The following NTNG2 variants were observed in gnomAD, a reference collection of about 807,000 sequenced individuals.
NTNG2 encodes the protein netrin G2.
A neutral mutation model predicts 47.6 loss-of-function variants in NTNG2; 15 were observed. The observed-to-expected ratio is 0.32, with a 90% CI of 0.21 to 0.49. The LOEUF is 0.49. NTNG2 is among the 20% of genes least tolerant of loss of function. The probability of loss-of-function intolerance (pLI) is 0.99; values close to 1 mark genes in which losing one functional copy is unlikely to be tolerated. For missense variants in NTNG2, 578 were observed against 764.6 expected, an observed-to-expected ratio of 0.76 and a Z score of 2.88; for synonymous variants, 307 against 324.6, an observed-to-expected ratio of 0.95 and a Z score of 0.58.
rs1396257368 is a variant in NTNG2, at chr9:132,197,976, A to G, written c.224A>G (p.Tyr75Cys). ...CTCTCCCCGCTGCAGGAGAATCCCT[A>G]CCTATGCAGCAACGAGTGTGACGCC... Reference protein sequence around the residue: ...PERFCSHENPYLCSNECDASN... With the variant: ...PERFCSHENPCLCSNECDASN... Residue 75 changes from tyrosine (Y) to cysteine (C), a missense_variant, in exon 3 of 8, where the codon TAC becomes TGC. Tyr to Cys is a radical substitution (Grantham distance 194). Coordinates refer to ENST00000393229, the MANE Select transcript of NTNG2 (RefSeq NM_032536.4). The surrounding 1 kb of genome is among the most constrained non-coding windows in gnomAD (Gnocchi z 4.3). The G allele has an allele frequency of 6.2e-7, 1 of 1,611,484 alleles. No homozygotes were observed. Among genetic ancestry groups the G allele is most frequent in the South Asian group, 1.1e-5 (1 of 90,964 alleles).
Position 132,242,158 on chromosome 9 carries a change from G to C in NTNG2, c.*47G>C, listed in dbSNP as rs1564451807. ...CCGCACCCGGAGGCCGGGGGTCCCG[G>C]GGTCCCGGGGCGGGGCCGGCGTCCG... On this transcript the variant is annotated 3_prime_UTR_variant, in exon 8 of 8. Transcript: ENST00000393229. The surrounding 1 kb of genome is among the most constrained non-coding windows in gnomAD (Gnocchi z 5.9). 1.0e-6 allele frequency: 1 copy of C among 983,812 alleles called. No homozygotes were observed. Among genetic ancestry groups the C allele is most frequent in the African/African-American group, 1.7e-5 (1 of 57,466 alleles). The allele number at this position is 983,812 out of a possible 1,614,324, so 60.9% of individuals were successfully genotyped here. A position where few individuals can be genotyped will look rare whatever the true frequency, so the allele number is the denominator to read the frequency against.
intron 5 of NTNG2, among the ~76,000 whole-genome samples, chr9:132,235,883 G>A (rs750532660): frequency 2.5e-4 from 38 of 152,230 alleles, no homozygotes; most frequent in African/African-American, 8.7e-4. Context: ...GTAGAATGTC[G>A]GTGCCTGGGG....
intron 2 of NTNG2, among the ~76,000 whole-genome samples, chr9:132,195,281 T>G (rs1838195915): frequency 6.6e-6 from 1 of 152,082 alleles, no homozygotes; most frequent in South Asian, 2.1e-4. Flanking sequence ...TTTGAGGTTT[T>G]GGGGGATTTC....
intron 5 of NTNG2, among the ~76,000 whole-genome samples, chr9:132,235,250 T>C (rs1050652896): frequency 1.3e-5 from 2 of 152,234 alleles, no homozygotes; most frequent in Admixed American, 1.3e-4. Context: ...CCGGAACACA[T>C]GTCCCACTTC....
intron 2 of NTNG2, among the ~76,000 whole-genome samples, chr9:132,167,846 A>G (rs1835610164): frequency 6.6e-6 from 1 of 152,138 alleles, no homozygotes; most frequent in Admixed American, 6.6e-5. Context: ...CATTGCGAGG[A>G]GTCCTCCCCT....
chr9:132,169,324 G>A (rs756525267), intron 2 of NTNG2, among the ~76,000 whole-genome samples: 16 of 152,236 alleles, frequency 1.1e-4, no homozygotes, highest in African/African-American at 9.6e-5. Flanking sequence ...GCAGGTGGAC[G>A]GCAGCCTTTT....
chr9:132,186,793 A>G (rs1207050694), intron 2 of NTNG2, among the ~76,000 whole-genome samples: 1 of 152,254 alleles, frequency 6.6e-6, no homozygotes, highest in Non-Finnish European at 1.5e-5. Context: ...TCCTACCTGG[A>G]TAGAACTGCC....
At chr9:132,181,843 C>T (rs1436574772) in intron 2 of NTNG2, among the ~76,000 whole-genome samples, 2 of 152,284 alleles carry the variant, frequency 1.3e-5, no homozygotes, top group African/African-American at 4.8e-5. Flanking sequence ...GTAGAGGAGG[C>T]TGGCACCTCC....
At chr9:132,194,586 T>G (rs1838139454) in intron 2 of NTNG2, among the ~76,000 whole-genome samples, 4 of 152,264 alleles carry the variant, frequency 2.6e-5, no homozygotes, top group Admixed American at 2.6e-4. Context: ...AACAGCAGAC[T>G]CCTCCTCAGA....
chr9:132,201,664 C>T (rs1039642766), intron 3 of NTNG2, among the ~76,000 whole-genome samples: 1 of 152,236 alleles, frequency 6.6e-6, no homozygotes, highest in African/African-American at 2.4e-5. Context: ...TGCCCAGTGG[C>T]TCCGCTGTGG....
Position 132,198,580 on chromosome 9 carries a change from C to A in NTNG2, c.828C>A (p.Tyr276Ter). The change falls in exon 3 of 8, where the codon TAC becomes TAA. Residue 276 changes from tyrosine to a stop codon, truncating the protein, a stop_gained. Coordinates refer to ENST00000393229, the MANE Select transcript of NTNG2 (RefSeq NM_032536.4). LOFTEE classifies it high-confidence loss of function. ...GGGAGAACCTCTACAAGTACTTCTACGCCATCTCCAACATCGAGGTCATCG... is the reference window on the plus strand; with the variant it reads ...GGGAGAACCTCTACAAGTACTTCTAAGCCATCTCCAACATCGAGGTCATCG... ...VQRENLYKYFYAISNIEVIGR... is the reference protein window; with the variant it reads ...VQRENLYKYF 6.2e-7 allele frequency: 1 copy of A among 1,610,622 alleles called. No individual in the cohort carries two copies. The highest frequency in any genetic ancestry group is 1.1e-5 in the South Asian group (1 of 91,022).
Position 132,226,904 on chromosome 9 carries a change from T to C in NTNG2, c.913T>C (p.Cys305Arg), listed in dbSNP as rs1840802085. ...CTCCATGCGCGAGGGCAGCCTGCAGTGCGAGTGCGAGCACAACACCACCGG... is the reference window on the plus strand; with the variant it reads ...CTCCATGCGCGAGGGCAGCCTGCAGCGCGAGTGCGAGCACAACACCACCGG... Reference protein sequence around the residue: ...LCSMREGSLQCECEHNTTGPD... With the variant: ...LCSMREGSLQRECEHNTTGPD... The change falls in exon 4 of 8, where the codon TGC (cysteine) becomes CGC (arginine). Residue 305 changes from cysteine (C) to arginine (R), a missense_variant. Physicochemically the swap from Cys to Arg is radical, Grantham distance 180. Transcript: ENST00000393229. This position sits in a 1 kb window ranked among gnomAD's most constrained non-coding sequence, Gnocchi z 4.8. The C allele has an allele frequency of 6.2e-7, 1 of 1,612,676 alleles. No homozygotes were observed. The highest frequency in any genetic ancestry group is 8.5e-7 in the Non-Finnish European group (1 of 1,179,690).
chr9:132,228,418 G>C (rs1337111776), intron 4 of NTNG2, among the ~76,000 whole-genome samples: 2 of 152,128 alleles, frequency 1.3e-5, no homozygotes, highest in African/African-American at 4.8e-5. Context: ...TCTCTTTGTG[G>C]TCCAAACCCT....
intron 3 of NTNG2, among the ~76,000 whole-genome samples, chr9:132,204,376 C>T (rs73561589): frequency 0.01 from 1,565 of 152,198 alleles, 27 homozygotes; most frequent in African/African-American, 0.036. Flanking sequence ...CCCTATTGAT[C>T]GCCCCGTAAC....
chr9:132,185,320 G>T (rs1837275917), intron 2 of NTNG2, among the ~76,000 whole-genome samples: 2 of 152,298 alleles, frequency 1.3e-5, no homozygotes, highest in South Asian at 4.1e-4. Flanking sequence ...AGGAGAGGGG[G>T]CCCAGAAAAG....
At chr9:132,211,097 G>A (rs918974471) in intron 3 of NTNG2, among the ~76,000 whole-genome samples, 3 of 152,270 alleles carry the variant, frequency 2.0e-5, no homozygotes, top group South Asian at 2.1e-4. Flanking sequence ...GCAGCAGCCC[G>A]GGGTTCACCA....
intron 4 of NTNG2, among the ~76,000 whole-genome samples, chr9:132,229,951 G>A (rs1179303249): frequency 6.6e-6 from 1 of 152,182 alleles, no homozygotes; most frequent in Non-Finnish European, 1.5e-5. Flanking sequence ...CTGGATTCAG[G>A]TCAGGCCTCG....
chr9:132,221,158 C>T lies in NTNG2; in HGVS notation c.858-5691C>T, dbSNP rs1383614149. ...GAGGTAGGGGTTGTGAAAGGCCTCCCCAAAGAAGTGGCATTTGGCCTAGAA... is the reference window on the plus strand; with the variant it reads ...GAGGTAGGGGTTGTGAAAGGCCTCCTCAAAGAAGTGGCATTTGGCCTAGAA... On this transcript the variant is annotated intron_variant, in intron 3 of 7. Coordinates refer to ENST00000393229, the MANE Select transcript of NTNG2 (RefSeq NM_032536.4). This position sits in a 1 kb window ranked among gnomAD's most constrained non-coding sequence, Gnocchi z 4.2. 2.6e-5 allele frequency among the ~76,000 whole-genome samples: 4 copies of T among 152,034 alleles called. No homozygotes were observed. Among genetic ancestry groups the T allele is most frequent in the African/African-American group, 4.8e-5 (2 of 41,372 alleles).
At position 132,162,535 on chromosome 9, in the gene NTNG2, A is replaced by AGTGT. The variant is rs771590912; in HGVS notation, c.-484+314_-484+317dup. Among the ~76,000 whole-genome samples the AGTGT allele has an allele frequency of 1.5e-3, 118 of 78,252 alleles. No individual in the cohort carries two copies. The highest frequency in any genetic ancestry group is 3.2e-3 in the African/African-American group (55 of 17,190). The allele number at this position is 78,252 out of a possible 152,430, so 51.3% of individuals were successfully genotyped here. A position where few individuals can be genotyped will look rare whatever the true frequency, so the allele number is the denominator to read the frequency against. ...GGGTCCTTTCCGTCGTGTGTGTGAGAGTGTGTGTGTGTGTGTGTGTGAGAG... is the reference window on the plus strand; with the variant it reads ...GGGTCCTTTCCGTCGTGTGTGTGAGAGTGTGTGTGTGTGTGTGTGTGTGTGAGAG... On this transcript the variant is annotated intron_variant, in intron 1 of 7. Transcript: ENST00000393229. The surrounding 1 kb of genome is among the most constrained non-coding windows in gnomAD (Gnocchi z 4.6).
Sources: gnomAD v4.1 joint callset for allele counts (sites outside exome capture counted in the v4.1 genomes callset) on GRCh38, gnomAD v4.1.1 for gene constraint, Gnocchi (gnomAD v3.1) non-coding constraint, MANE v1.5 for transcripts, NCBI Gene and HGNC (gene_info 2026-07-23, HGNC 2026-07-21) for gene names.